Variants in SDHA observed in about 807,000 individuals in gnomAD.
SDHA encodes succinate dehydrogenase complex flavoprotein subunit A.
A neutral mutation model predicts 78.4 loss-of-function variants in SDHA; 48 were observed. The observed-to-expected ratio is 0.61, with a 90% CI of 0.49 to 0.78. SDHA has a LOEUF of 0.78. Among genes scored for constraint, SDHA ranks in the 30% least tolerant of loss-of-function variants. The pLI is 0.00. For missense variants in SDHA, 680 were observed against 892.7 expected, an observed-to-expected ratio of 0.76 and a Z score of 3.04; for synonymous variants, 326 against 353.9, an observed-to-expected ratio of 0.92 and a Z score of 0.88.
At chr5:267,579 A>G in the SDHA span, among the ~76,000 whole-genome samples, 4 of 152,270 alleles carry the variant, frequency 2.6e-5, no homozygotes, top group Non-Finnish European at 4.4e-5. Flanking sequence ...GGAAAGCCTC[A>G]GGAACACAAG....
In SDHA at chr5:251,516, T is replaced by C. The variant is rs751427682; in HGVS notation, c.1794+48T>C. The C allele has an allele frequency of 5.6e-6, 9 of 1,613,060 alleles. No individual in the cohort carries two copies. In the African/African-American group the frequency reaches 9.3e-5, roughly 17 times the overall value. Reference sequence around the variant, plus strand: ...CCTGCACCTGCCTTTTCCTGCCACCTGGTGGGACTCAGCCCCACCCCTGCA... The same window carrying C: ...CCTGCACCTGCCTTTTCCTGCCACCCGGTGGGACTCAGCCCCACCCCTGCA... On this transcript the variant is annotated intron_variant, in intron 13 of 14. Transcript: ENST00000264932.
chr5:248,795 G>A (rs1485532449), intron 11 of SDHA, among the ~76,000 whole-genome samples: 3 of 152,194 alleles, frequency 2.0e-5, no homozygotes, highest in Admixed American at 2.0e-4. Flanking sequence ...CTGTCTGCGT[G>A]CCACGGCCAC....
chr5:243,077 G>A (rs11133942), intron 11 of SDHA, among the ~76,000 whole-genome samples: 36,613 of 151,994 alleles, frequency 0.24, 6,848 homozygotes, highest in African/African-American at 0.53. Flanking sequence ...GCAGCACCTT[G>A]AGCGACCCCT....
Position 255,638 on chromosome 5 carries a change from T to C in SDHA, c.1909-696T>C, listed in dbSNP as rs1239581586. Among the ~76,000 whole-genome samples, 3 of 152,056 alleles carry C rather than the reference T, an allele frequency of 2.0e-5. No homozygotes were observed. In the East Asian group the frequency reaches 5.8e-4, roughly 29 times the overall value. On this transcript the variant is annotated intron_variant, in intron 14 of 14. Coordinates refer to ENST00000264932, the MANE Select transcript of SDHA (RefSeq NM_004168.4). ...TTATATGTTTTGTAGAGATGGGGTT[T>C]CTCCACGTTGCCCAGGCTAGTCTTG...
chr5:251,157 G>A (rs1736800918), intron 12 of SDHA, 54 bp downstream of exon 12: 13 of 1,584,812 alleles, frequency 8.2e-6, no homozygotes, highest in Non-Finnish European at 1.1e-5. Context: ...TCTGCAGGGT[G>A]GGCTGGTGTC....
At chr5:229,966 TATTATACAGCATGGTGGCTAGAGTTAAC>T (rs1735286811) in intron 6 of SDHA, among the ~76,000 whole-genome samples, 1 of 145,290 alleles carries the variant, frequency 6.9e-6, no homozygotes, top group Non-Finnish European at 1.5e-5. Flanking sequence ...CTATCGTTAA[TATTATACAGCATGGTGGCTAGAGTTAAC>T]ATTATACAGC....
At chr5:226,764 T>G (rs1193398631) in intron 5 of SDHA, among the ~76,000 whole-genome samples, 1 of 151,414 alleles carries the variant, frequency 6.6e-6, no homozygotes, top group Non-Finnish European at 1.5e-5. Context: ...CCGTCTCTAC[T>G]AAAAATACAA....
the SDHA span, among the ~76,000 whole-genome samples, chr5:266,812 CGGT>C: frequency 1.3e-5 from 2 of 152,022 alleles, no homozygotes; most frequent in African/African-American, 4.8e-5. Flanking sequence ...GCAGTAGACA[CGGT>C]GGCCGCTGTC....
chr5:247,471 G>T (rs1381081013), intron 11 of SDHA, among the ~76,000 whole-genome samples: 5 of 152,180 alleles, frequency 3.3e-5, no homozygotes, highest in Non-Finnish European at 5.9e-5. Context: ...AATTTAACCC[G>T]TGTTAATGCC....
Position 254,484 on chromosome 5 carries a change from A to T in SDHA, c.1886A>T (p.Tyr629Phe), listed in dbSNP as rs6960. Residue 629 changes from tyrosine to phenylalanine, a missense_variant, in exon 14 of 15, where the codon TAT (tyrosine) becomes TTT (phenylalanine). Physicochemically the swap from Tyr to Phe is conservative, Grantham distance 22. Coordinates refer to ENST00000264932, the MANE Select transcript of SDHA (RefSeq NM_004168.4). The part of the protein sequence containing the change: ...EEHWRKHTLS[Y>F]VDVGTGKVTL... ...CACTGGAGGAAGCACACCCTGTCCT[A>T]TGTGGACGTTGGCACTGGGAAGGTC... 227,759 of 1,571,694 alleles carry T rather than the reference A, an allele frequency of 0.14. 22,863 individuals carry two copies. Among genetic ancestry groups the T allele is most frequent in the African/African-American group, 0.53 (38,058 of 72,384 alleles).
chr5:250,386 T>C (rs1292955823), intron 11 of SDHA: 2 of 160,502 alleles, frequency 1.2e-5, no homozygotes, highest in Non-Finnish European at 2.8e-5. Flanking sequence ...AAACTTCAGG[T>C]CCACTGCATA....
At chr5:233,867 C>T in intron 8 of SDHA, 1 of 526,202 alleles carries the variant, frequency 1.9e-6, no homozygotes, top group Non-Finnish European at 3.5e-6. Flanking sequence ...AACAGAGTTT[C>T]TCTTAGTGTG....
chr5:258,673 T>C (rs375163576), downstream of SDHA, among the ~76,000 whole-genome samples: 4,227 of 31,212 alleles, frequency 0.14, 25 homozygotes, highest in Admixed American at 0.15. Flanking sequence ...CTCCGCCTCC[T>C]GTCACAGCAT....
chr5:219,257 C>T (rs1734574043), intron 1 of SDHA, among the ~76,000 whole-genome samples: 1 of 147,824 alleles, frequency 6.8e-6, no homozygotes, highest in Admixed American at 6.6e-5. Flanking sequence ...CAGGGTTATA[C>T]TTCCCTGAGC....
intron 3 of SDHA, 110 bp from the exon 4 acceptor site, chr5:225,309 C>G: frequency 7.1e-7 from 1 of 1,407,308 alleles, no homozygotes; most frequent in Non-Finnish European, 1.0e-6. Context: ...CTGGGAGTCA[C>G]TGTGTGAGTA....
At chr5:239,794 G>A (rs2126600827) in intron 10 of SDHA, among the ~76,000 whole-genome samples, 1 of 149,944 alleles carries the variant, frequency 6.7e-6, no homozygotes, top group East Asian at 2.0e-4. Context: ...TTTTAAGACA[G>A]GGTCTCGCTC....
At chr5:234,704 A>G (rs1343416468) in intron 8 of SDHA, 4 of 252,448 alleles carry the variant, frequency 1.6e-5, no homozygotes, top group Non-Finnish European at 3.1e-5. Flanking sequence ...GATTTAAAGT[A>G]TAGAGGAGGA....
At chr5:225,830 T>TATCTTGAC in intron 4 of SDHA, 53 bp from the exon 5 acceptor site, 1 of 1,601,468 alleles carries the variant, frequency 6.2e-7, no homozygotes, top group Non-Finnish European at 8.5e-7. Context: ...TAGCTGCGAA[T>TATCTTGAC]ATCTTGACTC....
downstream of SDHA, among the ~76,000 whole-genome samples, chr5:257,530 T>C (rs1737282407): frequency 7.4e-6 from 1 of 135,508 alleles, no homozygotes; most frequent in Non-Finnish European, 1.6e-5. Flanking sequence ...GTTGGAGCAT[T>C]ACTGTGTGAG....
Sources: gnomAD v4.1 joint callset for allele counts (sites outside exome capture counted in the v4.1 genomes callset) on GRCh38, gnomAD v4.1.1 for gene constraint, MANE v1.5 for transcripts, NCBI Gene and HGNC (gene_info 2026-07-23, HGNC 2026-07-21) for gene names.